Variants in KCND2 observed in about 807,000 individuals in gnomAD.
KCND2 encodes the protein A-type voltage-gated potassium channel KCND2.
In KCND2, 16 loss-of-function variants were observed where a neutral mutation model predicts 54.4. That is an observed-to-expected ratio of 0.29 (90% CI 0.20 to 0.45). The LOEUF (loss-of-function observed/expected upper bound fraction) is 0.45, where lower values mean the gene tolerates loss of function less well. Ranked by LOEUF, KCND2 falls within the 20% of genes least tolerant of loss-of-function variation. KCND2 has a pLI of 1.00. For synonymous variants in KCND2, 317 were observed against 310.7 expected, an observed-to-expected ratio of 1.02 and a Z score of -0.21; for missense variants, 486 against 824.2, an observed-to-expected ratio of 0.59 and a Z score of 5.02.
chr7:120,613,666 T>C (rs1792985323), intron 1 of KCND2, among the ~76,000 whole-genome samples: 1 of 152,216 alleles, frequency 6.6e-6, no homozygotes, highest in Non-Finnish European at 1.5e-5. Flanking sequence ...TACCATTATG[T>C]AACTCATCCC....
chr7:120,291,712 GC>G (rs1251721101), intron 1 of KCND2, among the ~76,000 whole-genome samples: 15 of 151,814 alleles, frequency 9.9e-5, no homozygotes, highest in Non-Finnish European at 1.5e-5. Flanking sequence ...CTTCACATTG[GC>G]TGATTCTACA....
At chr7:120,291,543 G>A (rs1475327674) in intron 1 of KCND2, among the ~76,000 whole-genome samples, 1 of 151,872 alleles carries the variant, frequency 6.6e-6, no homozygotes, top group Non-Finnish European at 1.5e-5. Context: ...CATATACAAA[G>A]CATAGCAGGT....
chr7:120,543,050 A>G (rs1292177918), intron 1 of KCND2, among the ~76,000 whole-genome samples: 1 of 152,060 alleles, frequency 6.6e-6, no homozygotes, highest in East Asian at 1.9e-4. Context: ...ATTGACATGT[A>G]TTATAGACAT....
intron 1 of KCND2, among the ~76,000 whole-genome samples, chr7:120,314,332 C>CA (rs761723040): frequency 0.019 from 1,789 of 96,120 alleles, 20 homozygotes; most frequent in Middle Eastern, 0.06. Context: ...GACTCCATCT[C>CA]AAAAAAAAAA....
Position 120,274,002 on chromosome 7 carries a change from T to A in KCND2, c.-631T>A, listed in dbSNP as rs1054529959. The A allele has an allele frequency of 6.4e-6, 1 of 155,832 alleles. No homozygotes were observed. The highest frequency in any genetic ancestry group is 6.2e-5 in the Admixed American group (1 of 16,014). The allele number at this position is 155,832 out of a possible 1,614,324, so 9.7% of individuals were successfully genotyped here. ...CCGTAACCACTGCACATCACCTCCATCTCTGCAAATACAGCCCGAGGAGTA... is the reference window on the plus strand; with the variant it reads ...CCGTAACCACTGCACATCACCTCCAACTCTGCAAATACAGCCCGAGGAGTA... On this transcript the variant is annotated 5_prime_UTR_variant, in exon 1 of 6. Transcript: ENST00000331113.
intron 1 of KCND2, among the ~76,000 whole-genome samples, chr7:120,491,256 G>A (rs1032159737): frequency 5.9e-5 from 9 of 152,050 alleles, no homozygotes; most frequent in Admixed American, 5.9e-4. Flanking sequence ...GTCTTGCTGG[G>A]TAAGTCCATA....
At chr7:120,457,122 G>T (rs916467426) in intron 1 of KCND2, among the ~76,000 whole-genome samples, 1 of 152,148 alleles carries the variant, frequency 6.6e-6, no homozygotes, top group African/African-American at 2.4e-5. Context: ...AAGTCCCAAG[G>T]CTGCACACAT....
chr7:120,590,320 G>T (rs1792654961), intron 1 of KCND2, among the ~76,000 whole-genome samples: 1 of 151,988 alleles, frequency 6.6e-6, no homozygotes, highest in Non-Finnish European at 1.5e-5. Flanking sequence ...CCTGGCTAGG[G>T]CTCTTAATTT....
intron 1 of KCND2, among the ~76,000 whole-genome samples, chr7:120,495,208 T>C (rs755946513): frequency 6.6e-6 from 1 of 152,198 alleles, no homozygotes; most frequent in Non-Finnish European, 1.5e-5. Flanking sequence ...TTTAAGCCTA[T>C]TCTATAAGAG....
chr7:120,535,410 G>A (rs759097588), intron 1 of KCND2, among the ~76,000 whole-genome samples: 45 of 152,172 alleles, frequency 3.0e-4, no homozygotes, highest in African/African-American at 1.0e-3. Context: ...TAGGTGTTTC[G>A]TGGCAACATT....
chr7:120,565,330 G>A (rs1792283522), intron 1 of KCND2, among the ~76,000 whole-genome samples: 1 of 152,120 alleles, frequency 6.6e-6, no homozygotes, highest in South Asian at 2.1e-4. Context: ...AAGTATAATT[G>A]TATTGTGTAT....
chr7:120,455,131 A>G (rs540785229), intron 1 of KCND2, among the ~76,000 whole-genome samples: 133 of 152,276 alleles, frequency 8.7e-4, no homozygotes, highest in Middle Eastern at 3.4e-3. Context: ...TAGATTCAAT[A>G]CTTTTTTTTA....
At chr7:120,321,037 C>T (rs557117912) in intron 1 of KCND2, among the ~76,000 whole-genome samples, 1 of 152,100 alleles carries the variant, frequency 6.6e-6, no homozygotes, top group Non-Finnish European at 1.5e-5. Context: ...TTCATAGTAC[C>T]TTCCCAGCAT....
At chr7:120,475,769 G>A (rs1258750268) in intron 1 of KCND2, among the ~76,000 whole-genome samples, 5 of 152,164 alleles carry the variant, frequency 3.3e-5, no homozygotes, top group South Asian at 2.1e-4. Context: ...TATACAAAGT[G>A]TGTAATGCTG....
intron 1 of KCND2, among the ~76,000 whole-genome samples, chr7:120,550,111 C>T (rs776583863): frequency 3.3e-5 from 5 of 151,960 alleles, no homozygotes; most frequent in Admixed American, 6.6e-5. Context: ...CTCATCATCT[C>T]ACCACCCTGC....
chr7:120,600,428 C>T (rs919436790), intron 1 of KCND2, among the ~76,000 whole-genome samples: 8 of 151,924 alleles, frequency 5.3e-5, no homozygotes, highest in Non-Finnish European at 7.4e-5. Context: ...AATCTTAAAA[C>T]GTGTCTCACT....
chr7:120,738,311 G>T (rs1240071684), intron 2 of KCND2, among the ~76,000 whole-genome samples: 2 of 151,940 alleles, frequency 1.3e-5, no homozygotes, highest in Non-Finnish European at 2.9e-5. Context: ...CCAGTCATTT[G>T]CTTCATCTGT....
intron 1 of KCND2, among the ~76,000 whole-genome samples, chr7:120,371,983 G>A (rs1229297065): frequency 6.6e-6 from 1 of 151,892 alleles, no homozygotes; most frequent in African/African-American, 2.4e-5. Context: ...CTCTTCATGT[G>A]ATGAGGACAC....
chr7:120,512,146 A>T (rs1446706216), intron 1 of KCND2, among the ~76,000 whole-genome samples: 1 of 152,114 alleles, frequency 6.6e-6, no homozygotes, highest in Non-Finnish European at 1.5e-5. Flanking sequence ...GAGAGCAGAG[A>T]ACTCACCAAC....
Sources: allele counts gnomAD v4.1 joint callset (sites outside exome capture counted in the v4.1 genomes callset), GRCh38; gene constraint gnomAD v4.1.1; transcripts MANE v1.5; gene names NCBI Gene and HGNC (gene_info 2026-07-23, HGNC 2026-07-21).